Variants in ANKFN1 observed in about 807,000 individuals in gnomAD.
ANKFN1 encodes the protein ankyrin repeat and fibronectin type III domain containing 1, also known as ankyrin repeat and fibronectin type-III domain-containing protein 1.
ANKFN1 carries 74 observed loss-of-function variants against 108.7 expected under a neutral mutation model. The observed-to-expected ratio is 0.68, with a 90% confidence interval of 0.56 to 0.83. ANKFN1 has a LOEUF of 0.83. Ranked by LOEUF, ANKFN1 falls within the 40% of genes least tolerant of loss-of-function variation. ANKFN1 has a pLI of 0.00. For synonymous variants in ANKFN1, 547 were observed against 516.2 expected (o/e 1.06, Z -0.81); for missense variants, 1,505 against 1,382.3 (o/e 1.09, Z -1.41).
chr17:56,440,132 T>TA (rs536205455), intron 8 of ANKFN1, among the ~76,000 whole-genome samples, 195 bp from the exon 9 acceptor site: 16 of 152,132 alleles, frequency 1.1e-4, no homozygotes, highest in African/African-American at 2.7e-4. Context: ...GCTCTTCTTT[T>TA]AAAAAAAATG....
intron 3 of ANKFN1, among the ~76,000 whole-genome samples, chr17:56,234,339 TG>T (rs760075282): frequency 2.9e-5 from 4 of 137,376 alleles, no homozygotes; most frequent in East Asian, 2.3e-4. Context: ...TTATTTCCTT[TG>T]GGGTTTTTTT....
chr17:56,050,035 A>C (rs2143071528), intron 4 of ANKFN1, among the ~76,000 whole-genome samples: 1 of 151,974 alleles, frequency 6.6e-6, no homozygotes, highest in Non-Finnish European at 1.5e-5. Flanking sequence ...CTATTTCTTC[A>C]CATCCTCTCC....
intron 4 of ANKFN1, among the ~76,000 whole-genome samples, chr17:56,058,701 T>C (rs1904922756): frequency 6.6e-6 from 1 of 152,200 alleles, no homozygotes; most frequent in South Asian, 2.1e-4. Flanking sequence ...TCTCTGTTCC[T>C]GTGTTAGTTT....
At chr17:56,302,715 A>G in intron 3 of ANKFN1, among the ~76,000 whole-genome samples, 1 of 152,194 alleles carries the variant, frequency 6.6e-6, no homozygotes, top group Non-Finnish European at 1.5e-5. Context: ...GACAGAGTAT[A>G]TATTTCTATA....
intron 1 of ANKFN1, among the ~76,000 whole-genome samples, chr17:56,156,050 C>T (rs1909081662): frequency 6.6e-6 from 1 of 150,568 alleles, no homozygotes; most frequent in Non-Finnish European, 1.5e-5. Context: ...CTTCCCTCTT[C>T]TCCATTTCCT....
intron 3 of ANKFN1, among the ~76,000 whole-genome samples, chr17:56,246,491 A>C (rs1023159520): frequency 6.6e-6 from 1 of 152,112 alleles, no homozygotes. Context: ...TGTTGGACCT[A>C]TTTGGTTTCT....
intron 2 of ANKFN1, among the ~76,000 whole-genome samples, chr17:56,227,457 T>C (rs1916366098): frequency 6.6e-6 from 1 of 152,154 alleles, no homozygotes; most frequent in South Asian, 2.1e-4. Context: ...TAAGTATGAG[T>C]TGAGAAAACC....
At chr17:56,414,073 G>C (rs1419246159) in intron 8 of ANKFN1, among the ~76,000 whole-genome samples, 1 of 152,208 alleles carries the variant, frequency 6.6e-6, no homozygotes, top group Admixed American at 6.5e-5. Context: ...TTGATGTGCT[G>C]CTGGATTCCA....
At chr17:56,101,762 TCA>T (rs1233949730) in intron 4 of ANKFN1, among the ~76,000 whole-genome samples, 23 of 152,324 alleles carry the variant, frequency 1.5e-4, no homozygotes, top group Admixed American at 2.0e-4. Flanking sequence ...ATAAAACTGA[TCA>T]TTCAGAAATA....
chr17:56,078,771 G>A (rs1267659840), intron 4 of ANKFN1, among the ~76,000 whole-genome samples: 2 of 152,144 alleles, frequency 1.3e-5, no homozygotes, highest in African/African-American at 2.4e-5. Flanking sequence ...ACTCAGCAGT[G>A]GTTCTCTCCA....
intron 3 of ANKFN1, among the ~76,000 whole-genome samples, chr17:56,312,879 G>A (rs568957001): frequency 2.0e-5 from 3 of 152,244 alleles, no homozygotes; most frequent in South Asian, 2.1e-4. Flanking sequence ...CAGTGGGGGC[G>A]GGCACGGTGG....
At chr17:56,510,266 C>A (rs1225361819) in intron 20 of ANKFN1, among the ~76,000 whole-genome samples, 1 of 152,158 alleles carries the variant, frequency 6.6e-6, no homozygotes, top group Non-Finnish European at 1.5e-5. Flanking sequence ...AGACCAGAGC[C>A]CACTACATAA....
intron 3 of ANKFN1, among the ~76,000 whole-genome samples, chr17:56,259,040 T>C (rs1007766172): frequency 1.3e-5 from 2 of 152,268 alleles, no homozygotes; most frequent in African/African-American, 2.4e-5. Flanking sequence ...GTGCTTATTA[T>C]ATCTAGACAC....
chr17:56,133,154 A>T (rs2143354235), intron 4 of ANKFN1, among the ~76,000 whole-genome samples: 1 of 152,328 alleles, frequency 6.6e-6, no homozygotes, highest in South Asian at 2.1e-4. Context: ...AGTAAACATG[A>T]TATCGACTCA....
chr17:56,109,511 G>C (rs1040347408), intron 4 of ANKFN1, among the ~76,000 whole-genome samples: 18 of 152,182 alleles, frequency 1.2e-4, no homozygotes, highest in Admixed American at 1.0e-3. Context: ...TGTCCCATGG[G>C]AAGCAAAAAT....
At chr17:56,243,948 A>G (rs1014754094) in intron 3 of ANKFN1, among the ~76,000 whole-genome samples, 2 of 152,038 alleles carry the variant, frequency 1.3e-5, no homozygotes, top group African/African-American at 4.8e-5. Context: ...ACTTCATTGT[A>G]TTGGGGTGGA....
chr17:56,445,721 T>C (rs991489362), intron 10 of ANKFN1, among the ~76,000 whole-genome samples: 1 of 152,224 alleles, frequency 6.6e-6, no homozygotes, highest in African/African-American at 2.4e-5. Context: ...TATAAAACTT[T>C]TTTAAAAAAT....
chr17:56,344,838 C>G (rs2046055109), intron 4 of ANKFN1, among the ~76,000 whole-genome samples: 1 of 151,936 alleles, frequency 6.6e-6, no homozygotes, highest in Non-Finnish European at 1.5e-5. Context: ...CTGCCCCCTT[C>G]CAGTGGCTGA....
At chr17:56,436,447 T>C (rs765811160) in intron 8 of ANKFN1, among the ~76,000 whole-genome samples, 1 of 152,206 alleles carries the variant, frequency 6.6e-6, no homozygotes, top group Non-Finnish European at 1.5e-5. Flanking sequence ...TTATACGTGA[T>C]TTTCTCAGGG....
Sources: allele counts gnomAD v4.1 joint callset (sites outside exome capture counted in the v4.1 genomes callset), GRCh38; gene constraint gnomAD v4.1.1; transcripts MANE v1.5; gene names NCBI Gene and HGNC (gene_info 2026-07-23, HGNC 2026-07-21).